The following NEBL variants were observed in gnomAD, a reference collection of about 807,000 sequenced individuals.
The protein encoded by NEBL is LIM and SH3 protein 2.
A neutral mutation model predicts 140.2 loss-of-function variants in NEBL; 122 were observed. The observed-to-expected ratio is 0.87, with a 90% CI of 0.75 to 1.01. The LOEUF (loss-of-function observed/expected upper bound fraction) is 1.01, where lower values mean the gene tolerates loss of function less well. Ranked by LOEUF, NEBL falls within the 50% of genes least tolerant of loss-of-function variation. The pLI is 0.00. For missense variants in NEBL, 1,365 were observed against 1,231.3 expected (o/e 1.11, Z -1.62); for synonymous variants, 436 against 398.9 (o/e 1.09, Z -1.11).
At chr10:20,858,829 T>C (rs531369642) in intron 8 of NEBL, among the ~76,000 whole-genome samples, 7 of 152,292 alleles carry the variant, frequency 4.6e-5, no homozygotes, top group African/African-American at 1.7e-4. Context: ...CTTTTCTAAA[T>C]TCCTTTATAT....
At chr10:20,977,673 G>A (rs1836860705) in intron 3 of NEBL, among the ~76,000 whole-genome samples, 1 of 152,030 alleles carries the variant, frequency 6.6e-6, no homozygotes, top group Non-Finnish European at 1.5e-5. Context: ...CCGCACTGGG[G>A]TGAAAAAAAA....
intron 1 of NEBL, among the ~76,000 whole-genome samples, chr10:21,255,258 T>C (rs1319549311): frequency 6.6e-6 from 1 of 151,960 alleles, no homozygotes; most frequent in Non-Finnish European, 1.5e-5. Flanking sequence ...AGGCCAGATA[T>C]GAGAAGCAGC....
chr10:20,956,383 A>T (rs1263872158), intron 4 of NEBL, among the ~76,000 whole-genome samples: 2 of 152,032 alleles, frequency 1.3e-5, no homozygotes, highest in African/African-American at 4.8e-5. Context: ...CTTTTTTTTA[A>T]ACTTTGTCTT....
chr10:21,017,916 C>T (rs1838621982), intron 3 of NEBL, among the ~76,000 whole-genome samples: 1 of 151,850 alleles, frequency 6.6e-6, no homozygotes, highest in South Asian at 2.1e-4. Context: ...CTCCACCTCC[C>T]ATGTTCAAGC....
intron 4 of NEBL, among the ~76,000 whole-genome samples, chr10:20,925,832 C>G (rs1447693283): frequency 6.6e-6 from 1 of 152,116 alleles, no homozygotes; most frequent in Non-Finnish European, 1.5e-5. Flanking sequence ...TAATTAACGA[C>G]ATTTTGGGCA....
chr10:21,077,229 A>G (rs1411152285), intron 2 of NEBL, among the ~76,000 whole-genome samples: 1 of 152,152 alleles, frequency 6.6e-6, no homozygotes, highest in Non-Finnish European at 1.5e-5. Context: ...CTTCAAAAAA[A>G]ATAAAAAATC....
chr10:21,231,144 A>C (rs1280190833), intron 3 of NEBL, among the ~76,000 whole-genome samples: 1 of 152,200 alleles, frequency 6.6e-6, no homozygotes, highest in Admixed American at 6.5e-5. Context: ...ATGTGCGAGC[A>C]CTTCTTGGCT....
chr10:20,877,521 C>T (rs1306602439), intron 5 of NEBL, among the ~76,000 whole-genome samples: 2 of 152,176 alleles, frequency 1.3e-5, no homozygotes, highest in Non-Finnish European at 2.9e-5. Context: ...CCTGTAAAAT[C>T]GAGCTGCAGA....
upstream of NEBL, among the ~76,000 whole-genome samples, chr10:20,900,298 T>A (rs1321931756): frequency 1.3e-5 from 2 of 152,252 alleles, no homozygotes; most frequent in Non-Finnish European, 2.9e-5. Context: ...GGCTCTGCCA[T>A]GTCCTCTAGG....
chr10:20,831,616 C>G (rs770642727), intron 14 of NEBL, 33 bp from the exon 15 acceptor site: 1 of 1,410,664 alleles, frequency 7.1e-7, no homozygotes. Context: ...TTAGTGCTCT[C>G]CAATCATTTG....
In NEBL at chr10:20,850,397, C is replaced by A. The variant is rs886356868; in HGVS notation, c.1114G>T (p.Glu372Ter). The A allele has an allele frequency of 2.5e-6, 4 of 1,590,708 alleles. No individual in the cohort carries two copies. Among genetic ancestry groups the A allele is most frequent in the Non-Finnish European group, 3.5e-6 (4 of 1,158,730 alleles). ...TAGTAACAAACTAATTGACCTACTT[C>A]ACTTTGCATCTTTTGAGCCTCCTTT... ...ASKEAQKMQSEKVYKEDFEKE... is the reference protein window; with the variant it reads ...ASKEAQKMQS The change falls in exon 11 of 28, where the codon GAA becomes TAA. Residue 372 changes from glutamate to a stop codon, truncating the protein, a stop_gained and splice_region_variant. Coordinates refer to ENST00000377122, the MANE Select transcript of NEBL (RefSeq NM_006393.3). LOFTEE classifies it high-confidence loss of function.
At chr10:21,049,557 C>T (rs1021397274) in intron 2 of NEBL, among the ~76,000 whole-genome samples, 2 of 152,146 alleles carry the variant, frequency 1.3e-5, no homozygotes, top group African/African-American at 4.8e-5. Flanking sequence ...GTTCTCCCAC[C>T]CATCTATTTA....
At chr10:20,957,146 T>C (rs145550258) in intron 4 of NEBL, among the ~76,000 whole-genome samples, 1 of 152,200 alleles carries the variant, frequency 6.6e-6, no homozygotes, top group African/African-American at 2.4e-5. Context: ...TAATAGCCCA[T>C]AGACACTACT....
Position 20,948,063 on chromosome 10 carries a change from C to T in NEBL, c.357+13609G>A, listed in dbSNP as rs79315402. Among the ~76,000 whole-genome samples the T allele has an allele frequency of 7.6e-3, 1,159 of 152,260 alleles. 11 individuals are homozygous for T. The highest frequency in any genetic ancestry group is 0.027 in the African/African-American group (1,101 of 41,534). On this transcript the variant is annotated intron_variant, in intron 4 of 6. Coordinates refer to the NEBL transcript ENST00000417816. ...GGCCACATTCAAAGCTGTCCTGGGTCGCATGTGGCCCAAGGGCCATGGGTT... is the reference window on the plus strand; with the variant it reads ...GGCCACATTCAAAGCTGTCCTGGGTTGCATGTGGCCCAAGGGCCATGGGTT...
chr10:20,837,706 T>A lies in NEBL; in HGVS notation c.1339-2083A>T, dbSNP rs142886021. ...TAGCTAGTGAGGAGAAGTCAATGTC[T>A]GCTTCAATTCTTCAAAGGACAAGCT... is the stretch of plus-strand genomic sequence containing the variant. On this transcript the variant is annotated intron_variant, in intron 13 of 27. Coordinates refer to ENST00000377122, the MANE Select transcript of NEBL (RefSeq NM_006393.3). Among the ~76,000 whole-genome samples the A allele has an allele frequency of 4.6e-3, 700 of 152,318 alleles. 4 individuals carry two copies. The highest frequency in any genetic ancestry group is 0.013 in the African/African-American group (555 of 41,566).
chr10:21,190,024 C>G (rs983012913), intron 3 of NEBL, among the ~76,000 whole-genome samples: 2 of 152,088 alleles, frequency 1.3e-5, no homozygotes, highest in Non-Finnish European at 2.9e-5. Context: ...TTAAAGTGGC[C>G]TTTTTGCTTC....
At chr10:21,291,253 C>A (rs190041752) in intron 1 of NEBL, among the ~76,000 whole-genome samples, 1 of 152,028 alleles carries the variant, frequency 6.6e-6, no homozygotes, top group Non-Finnish European at 1.5e-5. Flanking sequence ...CACCTATAAT[C>A]CCATCACTTT....
chr10:21,022,568 C>T (rs1444361167), intron 2 of NEBL, among the ~76,000 whole-genome samples: 3 of 152,186 alleles, frequency 2.0e-5, no homozygotes, highest in Non-Finnish European at 4.4e-5. Flanking sequence ...CCCATAACTG[C>T]TGGACTCATT....
chr10:21,166,352 T>C (rs1001294667), intron 2 of NEBL, among the ~76,000 whole-genome samples: 2 of 152,084 alleles, frequency 1.3e-5, no homozygotes, highest in African/African-American at 2.4e-5. Flanking sequence ...TTAAATGAAT[T>C]CTGATGTTTT....
Sources: gnomAD v4.1 joint callset for allele counts (sites outside exome capture counted in the v4.1 genomes callset) on GRCh38, gnomAD v4.1.1 for gene constraint, MANE v1.5 for transcripts, NCBI Gene and HGNC (gene_info 2026-07-23, HGNC 2026-07-21) for gene names.